The following USH2A variants were observed in gnomAD, a reference collection of about 807,000 sequenced individuals.
USH2A encodes Usher syndrome 2A (autosomal recessive, mild).
In USH2A, 443 loss-of-function variants were observed where a neutral mutation model predicts 538.9. That is an observed-to-expected ratio of 0.82 (90% CI 0.76 to 0.89). The LOEUF is 0.89. USH2A is among the 40% of genes least tolerant of loss of function. The probability of loss-of-function intolerance (pLI) is 0.00; values close to 1 mark genes in which losing one functional copy is unlikely to be tolerated. For missense variants in USH2A, 6,633 were observed against 6,324.8 expected (o/e 1.05, Z -1.65); for synonymous variants, 2,413 against 2,273.5 (o/e 1.06, Z -1.75).
intron 47 of USH2A, among the ~76,000 whole-genome samples, chr1:215,836,485 ATATTATATATATAATATATAT>A (rs1421905056): frequency 7.0e-4 from 2 of 2,868 alleles, no homozygotes; most frequent in African/African-American, 1.1e-3. Context: ...TATATAATAT[ATATTATATATATAATATATAT>A]TATATATATA....
In USH2A at chr1:215,661,743, G is replaced by T. The variant is rs369324517; in HGVS notation, c.14133+9229C>A. On this transcript the variant is annotated intron_variant, in intron 64 of 71. Transcript: ENST00000307340. ...AATGGTGCCCCTTCATGTCTCTGTGGAATGATTTTAGTCAAGTACCTCTTT... is the reference window on the plus strand; with the variant it reads ...AATGGTGCCCCTTCATGTCTCTGTGTAATGATTTTAGTCAAGTACCTCTTT... Among the ~76,000 whole-genome samples the T allele has an allele frequency of 3.3e-5, 5 of 152,222 alleles. No individual in the cohort carries two copies. In the South Asian group the frequency reaches 1.0e-3, roughly 32 times the overall value.
In USH2A at chr1:215,965,480, CTG is replaced by C; in HGVS notation, c.6958-3_6958-2del. 8 of 1,613,456 alleles carry C rather than the reference CTG, an allele frequency of 5.0e-6. No individual in the cohort carries two copies. Among genetic ancestry groups the C allele is most frequent in the Non-Finnish European group, 6.8e-6 (8 of 1,179,648 alleles). On this transcript the variant is annotated splice_acceptor_variant and splice_polypyrimidine_tract_variant and intron_variant, in intron 36 of 71. Transcript: ENST00000307340. LOFTEE classifies it high-confidence loss of function. The stretch of plus-strand genomic sequence containing the variant: ...GAGCTTCTAGAGTTCGATTTTCCAC[CTG>C]TGAGTATAAAAAGATTTATTTTTGT...
intron 4 of USH2A, among the ~76,000 whole-genome samples, chr1:216,350,161 A>G (rs2038254445): frequency 6.6e-6 from 1 of 152,114 alleles, no homozygotes; most frequent in African/African-American, 2.4e-5. Context: ...CACTATCACA[A>G]TAAATCATTC....
chr1:216,130,784 A>G (rs1038513420), intron 21 of USH2A, among the ~76,000 whole-genome samples: 1 of 151,078 alleles, frequency 6.6e-6, no homozygotes, highest in Admixed American at 6.6e-5. Flanking sequence ...TGTGTGTGCA[A>G]GTATCTTTTT....
chr1:216,289,425 G>A lies in USH2A; in HGVS notation c.1841-15C>T, dbSNP rs2036955496. 3.7e-6 allele frequency: 6 copies of A among 1,613,692 alleles called. No individual in the cohort carries two copies. The highest frequency in any genetic ancestry group is 5.1e-6 in the Non-Finnish European group (6 of 1,179,672). On this transcript the variant is annotated splice_polypyrimidine_tract_variant and intron_variant, in intron 10 of 71. Transcript: ENST00000307340. Reference sequence around the variant, plus strand: ...ACAGTTCCTTCCTGCATCAGGGAAAGGTTATGCATTATGACTTCTAATTCA... The same window carrying A: ...ACAGTTCCTTCCTGCATCAGGGAAAAGTTATGCATTATGACTTCTAATTCA...
rs146563850 is a variant in USH2A at position 215,699,194 on chromosome 1, C to G, written c.12067-18818G>C. Among the ~76,000 whole-genome samples the G allele has an allele frequency of 5.2e-3, 788 of 152,184 alleles. 7 individuals carry two copies. Among genetic ancestry groups the G allele is most frequent in the African/African-American group, 0.018 (749 of 41,532 alleles). ...TTGGTCTATATATCTGTTTTGGTAC[C>G]AGTGCTATGCTGTTTTGGTTACTGT... On this transcript the variant is annotated intron_variant, in intron 61 of 71. Transcript: ENST00000307340.
At chr1:215,638,792 C>A (rs1391165944) in intron 69 of USH2A, among the ~76,000 whole-genome samples, 1 of 151,676 alleles carries the variant, frequency 6.6e-6, no homozygotes, top group Non-Finnish European at 1.5e-5. Context: ...GCCTGGCTAA[C>A]AAGGTGAAAC....
chr1:216,362,249 A>C (rs1041950533), intron 4 of USH2A, among the ~76,000 whole-genome samples: 1 of 152,190 alleles, frequency 6.6e-6, no homozygotes, highest in Non-Finnish European at 1.5e-5. Flanking sequence ...TTATAAATAA[A>C]TAAGGAATTA....
chr1:216,208,562 CA>C (rs1468382400), intron 15 of USH2A, among the ~76,000 whole-genome samples: 3 of 151,978 alleles, frequency 2.0e-5, no homozygotes, highest in African/African-American at 2.4e-5. Flanking sequence ...AAAGGGTGGG[CA>C]AAAGAGATGG....
chr1:216,213,734 A>G (rs1256485678), intron 15 of USH2A, among the ~76,000 whole-genome samples: 2 of 151,966 alleles, frequency 1.3e-5, no homozygotes, highest in East Asian at 3.8e-4. Flanking sequence ...AGCTTGGTAA[A>G]TTGACTTCAT....
intron 4 of USH2A, among the ~76,000 whole-genome samples, chr1:216,340,651 G>A (rs1398896315): frequency 1.3e-5 from 2 of 151,788 alleles, no homozygotes; most frequent in African/African-American, 4.8e-5. Flanking sequence ...TATCCACCAC[G>A]ACCAAGCTGG....
At chr1:215,752,810 G>T (rs1373810723) in intron 58 of USH2A, among the ~76,000 whole-genome samples, 1 of 152,140 alleles carries the variant, frequency 6.6e-6, no homozygotes, top group Non-Finnish European at 1.5e-5. Flanking sequence ...ATTGACAAAT[G>T]GGATCTAATT....
intron 57 of USH2A, 87 bp from the exon 58 acceptor site, chr1:215,758,839 G>C (rs1316634056): frequency 3.4e-6 from 5 of 1,454,846 alleles, no homozygotes; most frequent in Non-Finnish European, 4.8e-6. Flanking sequence ...CAATTGCTTA[G>C]TCCTAAATTT....
At chr1:216,175,102 G>A in intron 21 of USH2A, 150 bp downstream of exon 21, 1 of 1,487,878 alleles carries the variant, frequency 6.7e-7, no homozygotes, top group Non-Finnish European at 9.0e-7. Flanking sequence ...AGATGGACAT[G>A]CTGAAACAAT....
intron 60 of USH2A, among the ~76,000 whole-genome samples, chr1:215,740,985 A>T (rs1660284007): frequency 6.6e-6 from 1 of 152,098 alleles, no homozygotes; most frequent in African/African-American, 2.4e-5. Context: ...CCAGCCACTC[A>T]CCTGCTGTGT....
At chr1:216,307,988 G>A (rs933240268) in intron 9 of USH2A, among the ~76,000 whole-genome samples, 2 of 152,142 alleles carry the variant, frequency 1.3e-5, no homozygotes, top group African/African-American at 4.8e-5. Flanking sequence ...GGATTCTCGT[G>A]GCTTTCCTGG....
intron 38 of USH2A, among the ~76,000 whole-genome samples, chr1:215,916,829 T>G (rs903893170): frequency 6.6e-6 from 1 of 152,058 alleles, no homozygotes; most frequent in Non-Finnish European, 1.5e-5. Flanking sequence ...CACATTAGCA[T>G]CCATAGGACC....
At chr1:216,136,850 G>A (rs554387917) in intron 21 of USH2A, among the ~76,000 whole-genome samples, 34 of 152,270 alleles carry the variant, frequency 2.2e-4, no homozygotes, top group African/African-American at 7.5e-4. Flanking sequence ...CAGAAGCTGG[G>A]TGAACCATGG....
intron 3 of USH2A, among the ~76,000 whole-genome samples, chr1:216,407,307 T>C (rs1300527373): frequency 6.6e-6 from 1 of 152,316 alleles, no homozygotes; most frequent in African/African-American, 2.4e-5. Context: ...TATTTATATA[T>C]ACATATTTGT....
Sources: allele counts gnomAD v4.1 joint callset (sites outside exome capture counted in the v4.1 genomes callset), GRCh38; gene constraint gnomAD v4.1.1; transcripts MANE v1.5; gene names NCBI Gene and HGNC (gene_info 2026-07-23, HGNC 2026-07-21).